Variants in TNRC6C observed in about 807,000 individuals in gnomAD.
TNRC6C encodes the protein trinucleotide repeat containing adaptor 6C, also known as trinucleotide repeat-containing gene 6C protein.
TNRC6C carries 20 observed loss-of-function variants against 153.7 expected under a neutral mutation model. The observed-to-expected ratio is 0.13, with a 90% CI of 0.09 to 0.19. TNRC6C has a LOEUF of 0.19. Ranked by LOEUF, TNRC6C falls within the 10% of genes least tolerant of loss-of-function variation. TNRC6C has a pLI of 1.00. For missense variants in TNRC6C, 1,987 were observed against 2,172.0 expected (o/e 0.91, Z 1.69); for synonymous variants, 811 against 841.4 (o/e 0.96, Z 0.63).
chr17:78,077,993 T>A (rs2073114226), intron 9 of TNRC6C, among the ~76,000 whole-genome samples: 1 of 152,182 alleles, frequency 6.6e-6, no homozygotes, highest in East Asian at 1.9e-4. Flanking sequence ...TCTCTCTGAC[T>A]TTCTTAGGGA....
chr17:78,002,149 G>A (rs1372414371), upstream of TNRC6C, among the ~76,000 whole-genome samples: 1 of 151,762 alleles, frequency 6.6e-6, no homozygotes, highest in Non-Finnish European at 1.5e-5. Context: ...CACTGTGCAA[G>A]GTAGACAGTA....
chr17:78,097,885 G>T lies in TNRC6C; in HGVS notation c.4307-458G>T, dbSNP rs1174073430. On this transcript the variant is annotated intron_variant, in intron 16 of 19. Coordinates refer to ENST00000301624, the Ensembl canonical transcript of TNRC6C. ...AGGTACGCGCCTGGCCTCTAGACTTGCAGGTAGCATTTTCTTTCTTTTCCC... is the reference window on the plus strand; with the variant it reads ...AGGTACGCGCCTGGCCTCTAGACTTTCAGGTAGCATTTTCTTTCTTTTCCC... 5.4e-6 allele frequency: 8 copies of T among 1,483,450 alleles called. No homozygotes were observed. In the East Asian group the frequency reaches 2.0e-4, roughly 37 times the overall value. The allele number at this position is 1,483,450 out of a possible 1,614,324, so 91.9% of individuals were successfully genotyped here. A position where few individuals can be genotyped will look rare whatever the true frequency, so the allele number is the denominator to read the frequency against.
exon 3 of TNRC6C, chr17:78,050,355 C>T (rs1483478714): frequency 1.9e-6 from 3 of 1,611,728 alleles, no homozygotes; most frequent in Admixed American, 3.3e-5. Context: ...ACCAAGGGCA[C>T]ATCCAGTTGC....
At chr17:77,976,567 A>G (rs549413198) in intron 1 of TNRC6C, among the ~76,000 whole-genome samples, 3 of 152,332 alleles carry the variant, frequency 2.0e-5, no homozygotes, top group African/African-American at 4.8e-5. Flanking sequence ...GAAGTCAGCT[A>G]TTCAGGTAAA....
intron 2 of TNRC6C, among the ~76,000 whole-genome samples, chr17:78,044,497 C>A (rs985027313): frequency 9.2e-5 from 14 of 152,226 alleles, no homozygotes; most frequent in African/African-American, 3.4e-4. Context: ...CAGCCAGTCA[C>A]ACGATGACTC....
At chr17:77,993,417 A>T (rs1350177619) in intron 1 of TNRC6C, among the ~76,000 whole-genome samples, 1 of 152,188 alleles carries the variant, frequency 6.6e-6, no homozygotes, top group Non-Finnish European at 1.5e-5. Flanking sequence ...TTATGCTTTG[A>T]ATTTTAGTTT....
rs2073064302 is a variant in TNRC6C at position 78,075,241 on chromosome 17, A to G, written c.3023A>G (p.Lys1008Arg). 3 of 1,603,674 alleles carry G rather than the reference A, an allele frequency of 1.9e-6. No individual in the cohort carries two copies. The highest frequency in any genetic ancestry group is 1.3e-5 in the African/African-American group (1 of 74,744). The change falls in exon 8 of 20, where the codon AAA (lysine) becomes AGA (arginine). Residue 1008 changes from lysine to arginine, a missense_variant. Transcript: ENST00000301624. The surrounding 1 kb of genome is among the most constrained non-coding windows in gnomAD (Gnocchi z 4.2). Reference sequence around the variant, plus strand: ...CTCGGCTGCCGCCCGCCAATCTCCAAAGAGTCTTCCGTGGACCGCCCCACC... The same window carrying G: ...CTCGGCTGCCGCCCGCCAATCTCCAGAGAGTCTTCCGTGGACCGCCCCACC...
At chr17:78,028,171 A>G (rs910596205) in intron 1 of TNRC6C, among the ~76,000 whole-genome samples, 2 of 152,184 alleles carry the variant, frequency 1.3e-5, no homozygotes, top group Admixed American at 6.5e-5. Flanking sequence ...CTGGGATTAC[A>G]GGCGTGAGCC....
At chr17:78,043,408 T>C (rs1179460190) in intron 2 of TNRC6C, among the ~76,000 whole-genome samples, 1 of 152,226 alleles carries the variant, frequency 6.6e-6, no homozygotes, top group Non-Finnish European at 1.5e-5. Context: ...TTGACTTCTA[T>C]AGTAAAACAT....
At chr17:78,038,594 C>T (rs959764909) in intron 2 of TNRC6C, among the ~76,000 whole-genome samples, 2 of 150,826 alleles carry the variant, frequency 1.3e-5, no homozygotes, top group African/African-American at 2.4e-5. Context: ...CAGGAGAATG[C>T]CGTGAACCCG....
At chr17:78,074,037 C>T (rs1234304388) in intron 7 of TNRC6C, among the ~76,000 whole-genome samples, 1 of 152,128 alleles carries the variant, frequency 6.6e-6, no homozygotes, top group African/African-American at 2.4e-5. Context: ...GATCATTGAA[C>T]TCAGGGCCAA....
intron 1 of TNRC6C, among the ~76,000 whole-genome samples, chr17:77,984,205 T>C (rs921551064): frequency 6.6e-6 from 1 of 151,852 alleles, no homozygotes; most frequent in Non-Finnish European, 1.5e-5. Context: ...GGAGACACAA[T>C]GTAAGGAGGA....
intron 2 of TNRC6C, among the ~76,000 whole-genome samples, chr17:78,032,947 G>C (rs2072104915): frequency 6.6e-6 from 1 of 152,200 alleles, no homozygotes. Flanking sequence ...AGGCAGAAAA[G>C]ATAAAATATA....
intron 2 of TNRC6C, among the ~76,000 whole-genome samples, chr17:78,042,744 T>G (rs766053855): frequency 6.6e-6 from 1 of 151,970 alleles, no homozygotes; most frequent in Non-Finnish European, 1.5e-5. Flanking sequence ...GTAGTGGTCA[T>G]CATGATGCTG....
chr17:78,104,637 C>G lies in TNRC6C; in HGVS notation c.4865C>G (p.Ser1622Cys). 2.6e-6 allele frequency: 4 copies of G among 1,547,860 alleles called. No homozygotes were observed. The highest frequency in any genetic ancestry group is 3.5e-6 in the Non-Finnish European group (4 of 1,147,036). ...CCGCGGCTCAGCGCAGCGGGCAGCT[C>G]CCATGGCCTGGTACGCAGCGACGCT... Residue 1622 changes from serine (S) to cysteine (C), a missense_variant, in exon 20 of 20, where the codon TCC becomes TGC. Around this residue, in one of 4 missense-constraint regions of TNRC6C, gnomAD observed 139 missense variants for 148.5 expected, o/e 0.94. Coordinates refer to ENST00000301624, the Ensembl canonical transcript of TNRC6C. This position sits in a 1 kb window ranked among gnomAD's most constrained non-coding sequence, Gnocchi z 6.2.
At chr17:78,057,830 T>G (rs1404380138) in intron 3 of TNRC6C, among the ~76,000 whole-genome samples, 1 of 152,118 alleles carries the variant, frequency 6.6e-6, no homozygotes, top group Non-Finnish European at 1.5e-5. Flanking sequence ...CATTTTTGTG[T>G]GTGTGTGTGT....
At chr17:77,986,717 G>A (rs1244480676) in intron 1 of TNRC6C, among the ~76,000 whole-genome samples, 1 of 152,106 alleles carries the variant, frequency 6.6e-6, no homozygotes, top group South Asian at 2.1e-4. Context: ...TGGCAGAAGC[G>A]TGCAGTTATT....
In TNRC6C at chr17:78,104,702, A is replaced by G. The variant is rs979002118; in HGVS notation, c.4930A>G (p.Ser1644Gly). The change falls in exon 20 of 20, where the codon AGT becomes GGT. Residue 1644 changes from serine to glycine, a missense_variant. Transcript: ENST00000301624. This position sits in a 1 kb window ranked among gnomAD's most constrained non-coding sequence, Gnocchi z 6.2. Reference sequence around the variant, plus strand: ...CCCGTGCCTGGGTGGCAAGGGGAGCAGTGAGCTGCTGTGGGGCGGGGTGCC... The same window carrying G: ...CCCGTGCCTGGGTGGCAAGGGGAGCGGTGAGCTGCTGTGGGGCGGGGTGCC... The G allele has an allele frequency of 1.3e-6, 2 of 1,540,066 alleles. No homozygotes were observed. The highest frequency in any genetic ancestry group is 8.7e-7 in the Non-Finnish European group (1 of 1,145,746).
Position 78,097,733 on chromosome 17 carries a change from T to C in TNRC6C, c.4307-610T>C. On this transcript the variant is annotated intron_variant, in intron 16 of 19. Coordinates refer to ENST00000301624, the Ensembl canonical transcript of TNRC6C. ...GCCACCACCTTGCTCAGTGCCGTGT[T>C]TGGTTCTGCAGGGTCCTCCCCGCCA... is the stretch of plus-strand genomic sequence containing the variant. 1 of 1,538,840 alleles carries C rather than the reference T, an allele frequency of 6.5e-7. No homozygotes were observed. Among genetic ancestry groups the C allele is most frequent in the South Asian group, 1.2e-5 (1 of 83,000 alleles).
Sources: gnomAD v4.1 joint callset for allele counts (sites outside exome capture counted in the v4.1 genomes callset) on GRCh38, gnomAD v4.1.1 for gene constraint, gnomAD v4.1.1 regional missense constraint, Gnocchi (gnomAD v3.1) non-coding constraint, MANE v1.5 for transcripts, NCBI Gene and HGNC (gene_info 2026-07-23, HGNC 2026-07-21) for gene names.